PTPRD: variants seen among roughly 807,000 people sequenced by gnomAD.
PTPRD encodes receptor-type tyrosine-protein phosphatase delta.
In PTPRD, 34 loss-of-function variants were observed where a neutral mutation model predicts 214.5. The ratio of observed to expected loss-of-function variants is 0.16; its 90% confidence interval spans 0.12 to 0.21. The LOEUF (loss-of-function observed/expected upper bound fraction) is 0.21. PTPRD is among the 10% of genes least tolerant of loss of function. PTPRD has a pLI of 1.00. For synonymous variants in PTPRD, 1,128 were observed against 845.7 expected (o/e 1.33, Z -5.79); for missense variants, 2,545 against 2,398.7 (o/e 1.06, Z -1.27).
intron 11 of PTPRD, among the ~76,000 whole-genome samples, chr9:9,000,883 C>T (rs928658195): frequency 2.0e-5 from 3 of 151,850 alleles, no homozygotes; most frequent in Non-Finnish European, 4.4e-5. Context: ...TGGATTTTGG[C>T]CAGAGTATAC....
intron 11 of PTPRD, among the ~76,000 whole-genome samples, chr9:8,877,787 C>G (rs2098407107): frequency 6.6e-6 from 1 of 152,120 alleles, no homozygotes; most frequent in East Asian, 1.9e-4. Flanking sequence ...TGATTTTGTC[C>G]TTTACCCTTT....
At chr9:10,189,205 C>T (rs1312325863) in intron 3 of PTPRD, among the ~76,000 whole-genome samples, 1 of 152,068 alleles carries the variant, frequency 6.6e-6, no homozygotes, top group Non-Finnish European at 1.5e-5. Flanking sequence ...CTAACTGGTC[C>T]CATCTAGGAA....
intron 3 of PTPRD, among the ~76,000 whole-genome samples, chr9:10,159,884 C>T (rs550116159): frequency 3.2e-4 from 48 of 151,964 alleles, no homozygotes; most frequent in South Asian, 2.7e-3. Context: ...AGGCAGAATC[C>T]GAGAATTATT....
At chr9:9,189,962 A>G (rs2099934095) in intron 9 of PTPRD, among the ~76,000 whole-genome samples, 1 of 152,018 alleles carries the variant, frequency 6.6e-6, no homozygotes, top group Non-Finnish European at 1.5e-5. Flanking sequence ...GAAGACTTTA[A>G]TAGCCAGTGA....
At chr9:10,141,247 C>T (rs1198419562) in intron 3 of PTPRD, among the ~76,000 whole-genome samples, 1 of 151,920 alleles carries the variant, frequency 6.6e-6, no homozygotes, top group Non-Finnish European at 1.5e-5. Flanking sequence ...GAATTTTTGG[C>T]CAGGGCAATT....
chr9:8,762,694 G>A (rs1565874107), intron 11 of PTPRD, among the ~76,000 whole-genome samples: 1 of 152,020 alleles, frequency 6.6e-6, no homozygotes, highest in Non-Finnish European at 1.5e-5. Flanking sequence ...CCTAACTTCT[G>A]ACCCTTGAAA....
At chr9:8,900,297 A>C (rs2098657076) in intron 11 of PTPRD, among the ~76,000 whole-genome samples, 1 of 152,214 alleles carries the variant, frequency 6.6e-6, no homozygotes. Flanking sequence ...ATACCATTAA[A>C]ATATTTGTGC....
intron 3 of PTPRD, among the ~76,000 whole-genome samples, chr9:10,231,987 A>AGTGTGT (rs1352673296): frequency 5.2e-3 from 508 of 97,672 alleles, no homozygotes; most frequent in Middle Eastern, 0.01. Flanking sequence ...AGAGAGAGAG[A>AGTGTGT]GAGTGTGTGT....
chr9:10,224,979 T>A (rs2099584142), intron 3 of PTPRD, among the ~76,000 whole-genome samples: 1 of 152,078 alleles, frequency 6.6e-6, no homozygotes, highest in Non-Finnish European at 1.5e-5. Context: ...CAGTAAGGCT[T>A]TCAGTCAAAA....
intron 9 of PTPRD, among the ~76,000 whole-genome samples, chr9:9,322,557 C>T (rs1006451846): frequency 1.1e-4 from 17 of 152,250 alleles, no homozygotes; most frequent in African/African-American, 1.7e-4. Context: ...TATTATCTTA[C>T]GCATCCAGCA....
rs34125624 is a variant in PTPRD at position 9,618,071 on chromosome 9, CAAAAAAAAAAAAAAAAAA to C, written c.-286-43308_-286-43291del. On this transcript the variant is annotated intron_variant, in intron 7 of 45. Coordinates refer to ENST00000381196, the MANE Select transcript of PTPRD (RefSeq NM_002839.4). Reference sequence around the variant, plus strand: ...TGGGCGACAGAGCGAGACTCCATCTCAAAAAAAAAAAAAAAAAAAAAAAAAAAAAAAAAGATTTTGTCT... The same window carrying C: ...TGGGCGACAGAGCGAGACTCCATCTCAAAAAAAAAAAAAAAGATTTTGTCT... 5.6e-4 allele frequency among the ~76,000 whole-genome samples: 13 copies of C among 23,028 alleles called. 1 individual carries two copies. The South Asian group carries it at 0.02, about 35-fold the overall frequency. The allele number at this position is 23,028 out of a possible 152,430, so 15.1% of individuals were successfully genotyped here.
chr9:10,054,767 T>C (rs1184806161), intron 3 of PTPRD, among the ~76,000 whole-genome samples: 1 of 152,158 alleles, frequency 6.6e-6, no homozygotes, highest in Non-Finnish European at 1.5e-5. Context: ...CCTTTTGTTT[T>C]AGTAAAGTTG....
intron 5 of PTPRD, among the ~76,000 whole-genome samples, chr9:9,861,975 T>C (rs2062874243): frequency 6.6e-6 from 1 of 152,238 alleles, no homozygotes. Context: ...CATTTTTTAT[T>C]ATGAGTAACA....
chr9:9,884,919 T>C (rs2070252821), intron 5 of PTPRD, among the ~76,000 whole-genome samples: 1 of 152,116 alleles, frequency 6.6e-6, no homozygotes, highest in African/African-American at 2.4e-5. Context: ...ACCTCTTTCC[T>C]TTATAAGTTA....
intron 2 of PTPRD, among the ~76,000 whole-genome samples, chr9:10,437,771 T>A (rs893126335): frequency 1.3e-5 from 2 of 151,324 alleles, no homozygotes; most frequent in African/African-American, 2.4e-5. Flanking sequence ...TTTTGTTTTA[T>A]CAGATATATA....
intron 7 of PTPRD, among the ~76,000 whole-genome samples, chr9:9,656,757 T>A (rs190370478): frequency 7.8e-4 from 119 of 152,240 alleles, no homozygotes; most frequent in African/African-American, 2.8e-3. Flanking sequence ...TAATGTGAAC[T>A]ATGAACTCTG....
At position 10,450,252 on chromosome 9, in the gene PTPRD, AT is replaced by A. The variant is rs1233453276; in HGVS notation, c.-599-109236del. 2.7e-3 allele frequency among the ~76,000 whole-genome samples: 403 copies of A among 151,500 alleles called. 11 individuals carry two copies. The highest frequency in any genetic ancestry group is 9.3e-3 in the African/African-American group (383 of 41,064). ...GAATGATCAATAAATACTAAAAAAA[AT>A]AAATAAATAAACATAAATAAATAAA... is the stretch of plus-strand genomic sequence containing the variant. On this transcript the variant is annotated intron_variant, in intron 2 of 45. Coordinates refer to ENST00000381196, the MANE Select transcript of PTPRD (RefSeq NM_002839.4).
intron 37 of PTPRD, among the ~76,000 whole-genome samples, chr9:8,382,156 C>T (rs964057471): frequency 9.9e-5 from 15 of 152,134 alleles, no homozygotes; most frequent in African/African-American, 3.4e-4. Flanking sequence ...TTTATAGGTA[C>T]CAGCCAGCAT....
intron 12 of PTPRD, among the ~76,000 whole-genome samples, chr9:8,687,972 G>C (rs890236670): frequency 6.6e-6 from 1 of 152,054 alleles, no homozygotes; most frequent in Non-Finnish European, 1.5e-5. Context: ...CACTTTTACA[G>C]TTTTTTGAAA....
Sources: gnomAD v4.1 joint callset for allele counts (sites outside exome capture counted in the v4.1 genomes callset) on GRCh38, gnomAD v4.1.1 for gene constraint, MANE v1.5 for transcripts, NCBI Gene and HGNC (gene_info 2026-07-23, HGNC 2026-07-21) for gene names.